UPP2: variants seen among roughly 807,000 people sequenced by gnomAD.
UPP2 encodes UPase 2.
In UPP2, 23 loss-of-function variants were observed where a neutral mutation model predicts 26.7. That is an observed-to-expected ratio of 0.86 (90% CI 0.62 to 1.22). The LOEUF is 1.22. UPP2 is among the 50% of genes most tolerant of loss of function. The pLI, the probability that UPP2 is intolerant of heterozygous loss-of-function variation, is 0.00. For synonymous variants in UPP2, 127 were observed against 141.3 expected, an observed-to-expected ratio of 0.90 and a Z score of 0.72; for missense variants, 387 against 396.7, an observed-to-expected ratio of 0.98 and a Z score of 0.21.
chr2:158,098,562 T>C (rs7593877), upstream of UPP2, among the ~76,000 whole-genome samples: 2 of 152,106 alleles, frequency 1.3e-5, no homozygotes, highest in Admixed American at 1.3e-4. Flanking sequence ...CTGAGCTGCA[T>C]CATCACATAG....
chr2:158,021,548 A>G (rs1389171540), intron 3 of UPP2, among the ~76,000 whole-genome samples: 6 of 152,236 alleles, frequency 3.9e-5, no homozygotes, highest in African/African-American at 9.6e-5. Context: ...GCTTGGATTC[A>G]TGTTCTTAAC....
At chr2:158,123,962 A>G in intron 6 of UPP2, 67 bp downstream of exon 6, 1 of 1,545,016 alleles carries the variant, frequency 6.5e-7, no homozygotes, top group Non-Finnish European at 8.7e-7. Context: ...ACACCTTAGG[A>G]GAAGAAAAAG....
chr2:158,045,339 C>A (rs1684137445), intron 3 of UPP2, among the ~76,000 whole-genome samples: 1 of 152,170 alleles, frequency 6.6e-6, no homozygotes. Context: ...GAAAACCCCA[C>A]CCTTTCTAGC....
intron 3 of UPP2, among the ~76,000 whole-genome samples, chr2:158,029,294 A>T (rs932465278): frequency 6.6e-6 from 1 of 152,256 alleles, no homozygotes; most frequent in African/African-American, 2.4e-5. Context: ...GATTTCTAAA[A>T]AATAAAGATG....
At chr2:158,079,512 GC>G (rs1682686669) in intron 3 of UPP2, among the ~76,000 whole-genome samples, 1 of 152,050 alleles carries the variant, frequency 6.6e-6, no homozygotes, top group Non-Finnish European at 1.5e-5. Flanking sequence ...GTTACAGGGG[GC>G]TTGTGATGAC....
At chr2:158,006,740 C>A (rs943462789) in intron 2 of UPP2, among the ~76,000 whole-genome samples, 2 of 152,204 alleles carry the variant, frequency 1.3e-5, no homozygotes, top group Non-Finnish European at 2.9e-5. Context: ...TAGGCATACT[C>A]GAGGAAGCCT....
intron 3 of UPP2, among the ~76,000 whole-genome samples, chr2:158,093,536 G>C (rs1394233797): frequency 3.3e-5 from 5 of 151,908 alleles, no homozygotes; most frequent in African/African-American, 9.7e-5. Context: ...AAATTAGTAA[G>C]ACAAAAATAA....
rs189246623 is a variant in UPP2 at position 158,038,116 on chromosome 2, C to T, written c.147+22230C>T. 1.7e-3 allele frequency among the ~76,000 whole-genome samples: 260 copies of T among 152,318 alleles called. 1 individual carries two copies. Among genetic ancestry groups the T allele is most frequent in the Non-Finnish European group, 3.2e-3 (216 of 68,028 alleles). ...GGCTCTATATTCCATCATCAGTCTC[C>T]AGAACCATCTTATTTTCAGTTTCCC... On this transcript the variant is annotated intron_variant, in intron 3 of 9. Transcript: ENST00000605860.
At chr2:158,111,702 A>G (rs573936443) in intron 2 of UPP2, among the ~76,000 whole-genome samples, 2 of 152,028 alleles carry the variant, frequency 1.3e-5, no homozygotes, top group Non-Finnish European at 2.9e-5. Flanking sequence ...TAAATATTCC[A>G]TTTTTATTTA....
intron 6 of UPP2, chr2:158,133,976 A>T (rs192337823): frequency 6.6e-6 from 1 of 152,384 alleles, no homozygotes; most frequent in Admixed American, 6.5e-5. Flanking sequence ...TAAAGAATTC[A>T]TATGGAACTC....
At chr2:158,088,263 A>G (rs13011897) in intron 3 of UPP2, among the ~76,000 whole-genome samples, 112,191 of 152,044 alleles carry the variant, frequency 0.74, 42,156 homozygotes, top group African/African-American at 0.86. Flanking sequence ...TATTCTACTT[A>G]CTTGATTCTA....
At chr2:158,134,404 G>A (rs1419113800) in intron 6 of UPP2, among the ~76,000 whole-genome samples, 3 of 152,296 alleles carry the variant, frequency 2.0e-5, no homozygotes, top group Non-Finnish European at 4.4e-5. Context: ...TCTAAGAACT[G>A]GAAATAGGAT....
chr2:158,121,094 G>A lies in UPP2; in HGVS notation c.455-315G>A, dbSNP rs2105227039. Among the ~76,000 whole-genome samples, 3 of 152,038 alleles carry A rather than the reference G, an allele frequency of 2.0e-5. No homozygotes were observed. In the South Asian group the frequency reaches 6.2e-4, roughly 32 times the overall value. ...CTTTATGAAAGCTACTTGCTGGCAG[G>A]CTTATTTAGTTTTTTCCTGACCTAA... On this transcript the variant is annotated intron_variant, in intron 4 of 6. Transcript: ENST00000005756.
rs141210090 is a variant in UPP2, at chr2:158,094,957, G to A, written c.148-7083G>A. ...TCATCAGGTGCTGAAAGACTAACAC[G>A]GGCTTTAATCTCCAAGGCTTGAAGT... On this transcript the variant is annotated intron_variant, in intron 3 of 9. Coordinates refer to the UPP2 transcript ENST00000605860. Among the ~76,000 whole-genome samples, 562 of 152,212 alleles carry A rather than the reference G, an allele frequency of 3.7e-3. 5 individuals are homozygous for A. The highest frequency in any genetic ancestry group is 0.013 in the African/African-American group (543 of 41,516).
At chr2:158,090,479 C>T (rs765873965) in intron 3 of UPP2, among the ~76,000 whole-genome samples, 7 of 151,804 alleles carry the variant, frequency 4.6e-5, no homozygotes, top group South Asian at 2.1e-4. Flanking sequence ...CCAGCCTGGG[C>T]GGCAGAGTGA....
chr2:158,042,367 C>T (rs1161512987), intron 3 of UPP2, among the ~76,000 whole-genome samples: 2 of 152,170 alleles, frequency 1.3e-5, no homozygotes, highest in African/African-American at 4.8e-5. Context: ...CATCCCCTGA[C>T]ATGTCTAGAA....
chr2:158,075,550 C>T (rs552231331), intron 3 of UPP2, among the ~76,000 whole-genome samples: 1 of 151,880 alleles, frequency 6.6e-6, no homozygotes, highest in Non-Finnish European at 1.5e-5. Flanking sequence ...GACAACTGCA[C>T]AAATACATGG....
At chr2:158,071,550 CAAAAAAAAAA>C (rs56926948) in intron 3 of UPP2, among the ~76,000 whole-genome samples, 1 of 65,470 alleles carries the variant, frequency 1.5e-5, no homozygotes, top group Non-Finnish European at 2.7e-5. Context: ...GATTCTGTCT[CAAAAAAAAAA>C]AAAAAAAAAA....
At chr2:158,102,160 C>A in intron 1 of UPP2, 35 bp downstream of exon 1, 1 of 1,604,518 alleles carries the variant, frequency 6.2e-7, no homozygotes, top group Non-Finnish European at 8.5e-7. Context: ...TTGTTTTGAT[C>A]AGATGGTTGC....
Sources: allele counts gnomAD v4.1 joint callset (sites outside exome capture counted in the v4.1 genomes callset), GRCh38; gene constraint gnomAD v4.1.1; transcripts MANE v1.5; gene names NCBI Gene and HGNC (gene_info 2026-07-23, HGNC 2026-07-21).